The following MAGI3 variants were observed in gnomAD, a reference collection of about 807,000 sequenced individuals.
MAGI3 encodes membrane-associated guanylate kinase, WW and PDZ domain-containing protein 3.
A neutral mutation model predicts 121.8 loss-of-function variants in MAGI3; 43 were observed. That is an observed-to-expected ratio of 0.35 (90% CI 0.28 to 0.46). MAGI3 has a LOEUF of 0.46. Ranked by LOEUF, MAGI3 falls within the 20% of genes least tolerant of loss-of-function variation. MAGI3 has a pLI of 1.00. For missense variants in MAGI3, 1,547 were observed against 1,797.3 expected, an observed-to-expected ratio of 0.86 and a Z score of 2.52; for synonymous variants, 553 against 639.3, an observed-to-expected ratio of 0.86 and a Z score of 2.04.
At chr1:113,523,315 T>A (rs1326263762) in intron 1 of MAGI3, among the ~76,000 whole-genome samples, 1 of 152,168 alleles carries the variant, frequency 6.6e-6, no homozygotes, top group African/African-American at 2.4e-5. Flanking sequence ...GCTGAAAAGA[T>A]AACCAAAAAT....
At chr1:113,434,314 A>AGAGAT (rs1173381962) in intron 1 of MAGI3, among the ~76,000 whole-genome samples, 1 of 152,174 alleles carries the variant, frequency 6.6e-6, no homozygotes, top group Non-Finnish European at 1.5e-5. Flanking sequence ...TCATGCCTGT[A>AGAGAT]ATCTCAACAC....
chr1:113,468,542 C>A (rs1012373555), intron 1 of MAGI3, among the ~76,000 whole-genome samples: 1 of 152,102 alleles, frequency 6.6e-6, no homozygotes, highest in Non-Finnish European at 1.5e-5. Flanking sequence ...CAGGACAGCT[C>A]ACCACTTTTA....
At chr1:113,662,109 A>G (rs895314380) in intron 16 of MAGI3, among the ~76,000 whole-genome samples, 5 of 152,224 alleles carry the variant, frequency 3.3e-5, no homozygotes, top group African/African-American at 1.2e-4. Flanking sequence ...AGAGCTTCCC[A>G]TCTGATACTT....
At chr1:113,445,444 A>C (rs1401541473) in intron 1 of MAGI3, among the ~76,000 whole-genome samples, 2 of 152,076 alleles carry the variant, frequency 1.3e-5, no homozygotes, top group African/African-American at 2.4e-5. Flanking sequence ...TCTCTAAAAA[A>C]TAATAATAAA....
intron 1 of MAGI3, among the ~76,000 whole-genome samples, chr1:113,423,947 G>A (rs1003848476): frequency 1.3e-5 from 2 of 152,186 alleles, no homozygotes; most frequent in African/African-American, 2.4e-5. Context: ...TTGCACACCC[G>A]GCCTAGTTGT....
intron 1 of MAGI3, among the ~76,000 whole-genome samples, chr1:113,397,555 G>T (rs555988511): frequency 1.3e-5 from 2 of 152,140 alleles, no homozygotes; most frequent in Non-Finnish European, 2.9e-5. Context: ...TTGTGTACAA[G>T]GGCACAAAAT....
chr1:113,610,752 A>G (rs1433040092), intron 6 of MAGI3, among the ~76,000 whole-genome samples: 3 of 152,066 alleles, frequency 2.0e-5, no homozygotes, highest in Non-Finnish European at 4.4e-5. Flanking sequence ...CCTGGCCAAC[A>G]TGGTAAAACC....
chr1:113,450,535 T>C, intron 1 of MAGI3: 1 of 1,020,956 alleles, frequency 9.8e-7, no homozygotes, highest in South Asian at 1.3e-5. Context: ...ATGGTTACAA[T>C]GAAGGAGGAA....
intron 9 of MAGI3, among the ~76,000 whole-genome samples, chr1:113,633,237 C>CTTTTTTTTTTTTTTTTTTTT (rs1359169220): frequency 1.1e-5 from 1 of 91,960 alleles, no homozygotes; most frequent in African/African-American, 4.1e-5. Flanking sequence ...ATGAACTCAT[C>CTTTTTTTTTTTTTTTTTTTT]ATTTTTTTTT....
chr1:113,452,602 T>C (rs1654541501), intron 1 of MAGI3, among the ~76,000 whole-genome samples: 1 of 152,128 alleles, frequency 6.6e-6, no homozygotes, highest in Non-Finnish European at 1.5e-5. Flanking sequence ...ACAATAAAGG[T>C]TGATCTATGA....
chr1:113,609,983 C>T (rs1045200557), intron 6 of MAGI3, among the ~76,000 whole-genome samples: 3 of 152,148 alleles, frequency 2.0e-5, no homozygotes, highest in Non-Finnish European at 2.9e-5. Context: ...TTCTTAAGGA[C>T]TCTACTTCGT....
intron 11 of MAGI3, among the ~76,000 whole-genome samples, chr1:113,644,206 A>G (rs1257553999): frequency 6.6e-6 from 1 of 152,204 alleles, no homozygotes; most frequent in East Asian, 1.9e-4. Context: ...GGGACTATAA[A>G]TATGCATGCA....
At chr1:113,513,471 C>T (rs915687463) in intron 1 of MAGI3, among the ~76,000 whole-genome samples, 29 of 152,188 alleles carry the variant, frequency 1.9e-4, no homozygotes, top group Non-Finnish European at 3.4e-4. Context: ...GAAATAATGC[C>T]ACCTATCTAC....
At chr1:113,675,533 TTAC>T (rs1647817085) in intron 19 of MAGI3, among the ~76,000 whole-genome samples, 2 of 152,218 alleles carry the variant, frequency 1.3e-5, no homozygotes, top group South Asian at 4.1e-4. Flanking sequence ...TAGCAGGCAA[TTAC>T]TACTAGTAGT....
At position 113,553,994 on chromosome 1, in the gene MAGI3, C is replaced by T. The variant is rs547914379; in HGVS notation, c.433+4363C>T. Among the ~76,000 whole-genome samples, 89 of 152,188 alleles carry T rather than the reference C, an allele frequency of 5.8e-4. No individual in the cohort carries two copies. The Middle Eastern group carries it at 0.017, about 29-fold the overall frequency. The stretch of plus-strand genomic sequence containing the variant: ...ACTGCACTCCAGCCTGGTGACAGAG[C>T]GAGACTACGTCTCAAACAAACAAAC... On this transcript the variant is annotated intron_variant, in intron 2 of 20. Transcript: ENST00000307546.
intron 5 of MAGI3, among the ~76,000 whole-genome samples, chr1:113,591,532 C>A (rs182395319): frequency 2.8e-4 from 42 of 152,172 alleles, no homozygotes; most frequent in African/African-American, 9.1e-4. Context: ...AAAGAGTGAG[C>A]GTCTTGCTAT....
In MAGI3 at chr1:113,521,048, A is replaced by C. The variant is rs1035184741; in HGVS notation, c.317-28467A>C. 5.3e-5 allele frequency among the ~76,000 whole-genome samples: 8 copies of C among 151,836 alleles called. 1 individual carries two copies. The highest frequency in any genetic ancestry group is 1.9e-4 in the African/African-American group (8 of 41,402). On this transcript the variant is annotated intron_variant, in intron 1 of 20. Transcript: ENST00000307546. Reference sequence around the variant, plus strand: ...CTACATCAGCCATCACAAACATTTTAGTAACTGCCTTTAAGAAAAATTTTG... The same window carrying C: ...CTACATCAGCCATCACAAACATTTTCGTAACTGCCTTTAAGAAAAATTTTG...
At chr1:113,508,441 T>C (rs1388164676) in intron 1 of MAGI3, among the ~76,000 whole-genome samples, 1 of 152,192 alleles carries the variant, frequency 6.6e-6, no homozygotes, top group Non-Finnish European at 1.5e-5. Flanking sequence ...CCTCATGGGC[T>C]CAAAGGTCTG....
intron 12 of MAGI3, among the ~76,000 whole-genome samples, chr1:113,648,741 G>A (rs564861815): frequency 3.6e-4 from 54 of 152,104 alleles, no homozygotes; most frequent in Admixed American, 1.4e-3. Context: ...CTATCATTTT[G>A]CAAAACTAGG....
Sources: gnomAD v4.1 joint callset for allele counts (sites outside exome capture counted in the v4.1 genomes callset) on GRCh38, gnomAD v4.1.1 for gene constraint, MANE v1.5 for transcripts, NCBI Gene and HGNC (gene_info 2026-07-23, HGNC 2026-07-21) for gene names.